LLGL2: variants seen among roughly 807,000 people sequenced by gnomAD.
LLGL2 encodes the protein LLGL2, scribble cell polarity complex component.
In LLGL2, 81 loss-of-function variants were observed where a neutral mutation model predicts 123.2. The observed-to-expected ratio is 0.66, with a 90% confidence interval of 0.55 to 0.79. The LOEUF (loss-of-function observed/expected upper bound fraction) is 0.79. LLGL2 is among the 30% of genes least tolerant of loss of function. The probability of loss-of-function intolerance (pLI) is 0.00; values close to 1 mark genes in which losing one functional copy is unlikely to be tolerated. For missense variants in LLGL2, 1,273 were observed against 1,414.6 expected (o/e 0.90, Z 1.61); for synonymous variants, 577 against 594.1 (o/e 0.97, Z 0.42).
chr17:75,530,120 T>G (rs751196444), intron 1 of LLGL2, among the ~76,000 whole-genome samples: 30 of 152,304 alleles, frequency 2.0e-4, no homozygotes, highest in Admixed American at 3.3e-4. Context: ...GGCCTTTGGG[T>G]GGGCACTTGG....
chr17:75,563,369 G>C lies in LLGL2; in HGVS notation c.732G>C (p.Leu244=), dbSNP rs751558406. 1 of 1,612,802 alleles carries C rather than the reference G, an allele frequency of 6.2e-7. No homozygotes were observed. Among genetic ancestry groups the C allele is most frequent in the East Asian group, 2.2e-5 (1 of 44,892 alleles). Residue 244 remains leucine, a synonymous_variant, in exon 8 of 26, where the codon CTG becomes CTC. Transcript: ENST00000392550. ...TCTGGTGGCAGCGGGACGGCCGCCT[G>C]CTCGTCAGCTGTCACTCTGACGGCA... ...ENIWWQRDGR[L]LVSCHSDGSY... is the part of the protein sequence containing the mutation.
rs1475047549 is a variant in LLGL2 at position 75,570,173 on chromosome 17, T to TC, written c.1793dup (p.Glu599Ter). On this transcript the variant is annotated frameshift_variant, in exon 15 of 26. Transcript: ENST00000392550. LOFTEE classifies it high-confidence loss of function. ...TGTGGTCACCTCCTTGGCCCTGCAC[T>TC]CTGAGTGGCGGCTCGTGGCCTTCGG... is the stretch of plus-strand genomic sequence containing the variant. The TC allele has an allele frequency of 6.3e-7, 1 of 1,596,566 alleles. No individual in the cohort carries two copies. The highest frequency in any genetic ancestry group is 2.3e-5 in the East Asian group (1 of 44,176).
At chr17:75,527,226 G>A (rs922237911) in intron 1 of LLGL2, among the ~76,000 whole-genome samples, 3 of 151,678 alleles carry the variant, frequency 2.0e-5, no homozygotes, top group African/African-American at 7.3e-5. Flanking sequence ...GTGAGCAGAG[G>A]CACAAGGAGA....
intron 12 of LLGL2, 49 bp downstream of exon 12, chr17:75,568,888 G>A: frequency 1.3e-6 from 2 of 1,564,672 alleles, no homozygotes; most frequent in East Asian, 2.3e-5. Context: ...GATATGTGGG[G>A]TGGGAGCAGA....
rs746563125 is a variant in LLGL2 at position 75,568,999 on chromosome 17, G to A, written c.1344G>A (p.Arg448=). 3.7e-6 allele frequency: 6 copies of A among 1,613,136 alleles called. No homozygotes were observed. In the Admixed American group the frequency reaches 8.3e-5, roughly 22 times the overall value. ...LLTGHEDGTV[R]FWDASGVCLR... ...ACAGGCACGAGGACGGCACGGTGCG[G>A]TTCTGGGATGCCTCGGGTGTCTGCC... Residue 448 remains arginine, a synonymous_variant, in exon 13 of 26, where the codon CGG becomes CGA. Coordinates refer to ENST00000392550, the MANE Select transcript of LLGL2 (RefSeq NM_001031803.2).
intron 10 of LLGL2, 33 bp from the exon 11 acceptor site, chr17:75,568,443 G>A: frequency 1.2e-6 from 2 of 1,601,830 alleles, no homozygotes; most frequent in Non-Finnish European, 1.7e-6. Context: ...CTTCCTCCTG[G>A]CCCCGGCCCC....
At position 75,564,745 on chromosome 17, in the gene LLGL2, T is replaced by C; in HGVS notation, c.1036+238T>C. The C allele has an allele frequency of 1.9e-6, 1 of 515,394 alleles. No homozygotes were observed. The highest frequency in any genetic ancestry group is 3.6e-5 in the South Asian group (1 of 27,448). The allele number at this position is 515,394 out of a possible 1,614,324, so 31.9% of individuals were successfully genotyped here. On this transcript the variant is annotated intron_variant, in intron 10 of 25. Coordinates refer to ENST00000392550, the MANE Select transcript of LLGL2 (RefSeq NM_001031803.2). The surrounding 1 kb of genome is among the most constrained non-coding windows in gnomAD (Gnocchi z 4.9). ...CAGGTGTTGTGGCACGTACCTGTAG[T>C]CCTAGCTACTCAGGAGGCTGAGGTG...
chr17:75,566,604 C>T (rs1309879577), intron 10 of LLGL2, among the ~76,000 whole-genome samples: 1 of 152,192 alleles, frequency 6.6e-6, no homozygotes. Context: ...ATCCGTGTTC[C>T]AGGACAGCCA....
At chr17:75,568,932 C>T (rs1416907009) in intron 12 of LLGL2, 46 bp from the exon 13 acceptor site, 3 of 1,586,646 alleles carry the variant, frequency 1.9e-6, no homozygotes, top group Non-Finnish European at 2.6e-6. Context: ...CCTGGGCATC[C>T]CGGCTGGCAT....
chr17:75,537,835 GTC>G (rs1232555860), intron 1 of LLGL2, among the ~76,000 whole-genome samples: 5 of 136,706 alleles, frequency 3.7e-5, no homozygotes, highest in African/African-American at 8.6e-5. Context: ...TTTTGAGACA[GTC>G]TCTCTCTGTT....
At chr17:75,552,804 T>C (rs1234216766) in intron 2 of LLGL2, among the ~76,000 whole-genome samples, 2 of 152,240 alleles carry the variant, frequency 1.3e-5, no homozygotes, top group Non-Finnish European at 2.9e-5. Flanking sequence ...TTAATCCTCA[T>C]TGGTGACATG....
chr17:75,541,094 C>T (rs980128175), intron 1 of LLGL2, among the ~76,000 whole-genome samples: 2 of 152,196 alleles, frequency 1.3e-5, no homozygotes, highest in African/African-American at 2.4e-5. Flanking sequence ...TCAGTGTCCA[C>T]GCCCTCCTGA....
chr17:75,557,034 C>CTTTTTTTTTTTTTTTTTT (rs55649536), intron 3 of LLGL2, among the ~76,000 whole-genome samples: 20 of 109,880 alleles, frequency 1.8e-4, no homozygotes, highest in African/African-American at 8.5e-4. Context: ...GTCTCAAAAA[C>CTTTTTTTTTTTTTTTTTT]TTTTTTTTTT....
chr17:75,541,560 T>C (rs1048313724), intron 1 of LLGL2, among the ~76,000 whole-genome samples: 1 of 152,194 alleles, frequency 6.6e-6, no homozygotes, highest in Admixed American at 6.5e-5. Context: ...ACCTCTGGTC[T>C]GACTCCTCCA....
chr17:75,538,984 C>G (rs1275091381), intron 1 of LLGL2, among the ~76,000 whole-genome samples: 1 of 152,176 alleles, frequency 6.6e-6, no homozygotes, highest in African/African-American at 2.4e-5. Context: ...CCTCAAACTC[C>G]TGGGCTCCAC....
chr17:75,553,427 T>C (rs114272373), intron 2 of LLGL2, among the ~76,000 whole-genome samples: 1,727 of 152,348 alleles, frequency 0.011, 34 homozygotes, highest in African/African-American at 0.039. Flanking sequence ...TGAGAGCCAT[T>C]GGACTAGACT....
At chr17:75,552,496 A>C (rs1174531438) in intron 2 of LLGL2, among the ~76,000 whole-genome samples, 1 of 152,194 alleles carries the variant, frequency 6.6e-6, no homozygotes, top group Non-Finnish European at 1.5e-5. Flanking sequence ...AAAAAAAATT[A>C]TATATTCCTT....
intron 21 of LLGL2, 58 bp from the exon 22 acceptor site, chr17:75,573,894 T>G (rs2055848938): frequency 6.5e-7 from 1 of 1,536,330 alleles, no homozygotes; most frequent in African/African-American, 1.4e-5. Context: ...GGACCAGGGC[T>G]CTCAGAGCCG....
chr17:75,556,069 C>T lies in LLGL2; in HGVS notation c.99C>T (p.His33=). The part of the protein sequence containing the change: ...FNKTVEHGFP[H]QPSALGYSPS... ...AGACGGTGGAGCATGGCTTCCCGCA[C>T]CAGCCCAGCGCCCTCGGCTACAGCC... is the stretch of plus-strand genomic sequence containing the variant. Residue 33 remains histidine, a synonymous_variant, in exon 3 of 26, where the codon CAC becomes CAT. Transcript: ENST00000392550. The T allele has an allele frequency of 1.2e-6, 2 of 1,609,388 alleles. No homozygotes were observed. Among genetic ancestry groups the T allele is most frequent in the Non-Finnish European group, 1.7e-6 (2 of 1,179,972 alleles).
Sources: allele counts gnomAD v4.1 joint callset (sites outside exome capture counted in the v4.1 genomes callset), GRCh38; gene constraint gnomAD v4.1.1; non-coding constraint Gnocchi (gnomAD v3.1); transcripts MANE v1.5; gene names NCBI Gene and HGNC (gene_info 2026-07-23, HGNC 2026-07-21).